ERC1: variants seen among roughly 807,000 people sequenced by gnomAD.
ERC1 encodes ELKS/RAB6-interacting/CAST family member 1.
In ERC1, 56 loss-of-function variants were observed where a neutral mutation model predicts 132.0. That is an observed-to-expected ratio of 0.42 (90% CI 0.34 to 0.53). The LOEUF (loss-of-function observed/expected upper bound fraction) is 0.53. Ranked by LOEUF, ERC1 falls within the 20% of genes least tolerant of loss-of-function variation. The pLI, the probability that ERC1 is intolerant of heterozygous loss-of-function variation, is 0.03. For synonymous variants in ERC1, 478 were observed against 476.1 expected, an observed-to-expected ratio of 1.00 and a Z score of -0.05; for missense variants, 1,202 against 1,349.9, an observed-to-expected ratio of 0.89 and a Z score of 1.72.
At chr12:1,433,373 G>A (rs1018232792) in intron 17 of ERC1, among the ~76,000 whole-genome samples, 7 of 152,194 alleles carry the variant, frequency 4.6e-5, no homozygotes, top group South Asian at 2.1e-4. Context: ...CTCTATGCAC[G>A]TGTATGTTTT....
chr12:1,309,340 C>T (rs75607144), intron 15 of ERC1, among the ~76,000 whole-genome samples: 3,841 of 152,268 alleles, frequency 0.025, 75 homozygotes, highest in South Asian at 0.08. Flanking sequence ...CTCTGCAGTA[C>T]CCCTGTGAGT....
chr12:1,255,232 T>G lies in ERC1; in HGVS notation c.2488-7802T>G, dbSNP rs547997158. Among the ~76,000 whole-genome samples the G allele has an allele frequency of 7.9e-5, 12 of 152,190 alleles. No individual in the cohort carries two copies. The East Asian group carries it at 1.7e-3, about 22-fold the overall frequency. On this transcript the variant is annotated intron_variant, in intron 13 of 18. Coordinates refer to ENST00000360905, the MANE Select transcript of ERC1 (RefSeq NM_178040.4). ...GTTCTTGTGTTAGTTTGCTGAGAAT[T>G]AGGGTTTCCAGCTTCATCCATGTCC...
In ERC1 at chr12:1,215,849, T is replaced by C. The variant is rs372596271; in HGVS notation, c.2352-20920T>C. 7.2e-5 allele frequency among the ~76,000 whole-genome samples: 11 copies of C among 152,290 alleles called. No homozygotes were observed. In the East Asian group the frequency reaches 1.5e-3, roughly 21 times the overall value. ...AATATAGGTTATTGTTAAAGACCTT[T>C]AGTGCTAATTAAGGGAATATGGATT... On this transcript the variant is annotated intron_variant, in intron 12 of 18. Coordinates refer to ENST00000360905, the MANE Select transcript of ERC1 (RefSeq NM_178040.4).
chr12:1,083,704 T>G, intron 3 of ERC1, 124 bp downstream of exon 3: 1 of 711,428 alleles, frequency 1.4e-6, no homozygotes, highest in Non-Finnish European at 2.3e-6. Context: ...TTTCATCCTT[T>G]GTATTTAAGT....
chr12:1,235,206 C>T (rs181877753), intron 12 of ERC1, among the ~76,000 whole-genome samples: 114 of 152,204 alleles, frequency 7.5e-4, no homozygotes, highest in African/African-American at 2.5e-3. Context: ...ATCTCTACTA[C>T]AAATTAGCTG....
intron 16 of ERC1, among the ~76,000 whole-genome samples, chr12:1,391,821 G>A (rs1167629642): frequency 6.6e-6 from 1 of 152,208 alleles, no homozygotes; most frequent in Non-Finnish European, 1.5e-5. Context: ...GGCTCCTGTT[G>A]AAGCTTTTTT....
intron 7 of ERC1, among the ~76,000 whole-genome samples, chr12:1,128,280 G>T (rs1271319142): frequency 6.6e-6 from 1 of 152,158 alleles, no homozygotes; most frequent in East Asian, 1.9e-4. Context: ...TTAAAGGACG[G>T]ACTGAGAGGC....
intron 15 of ERC1, among the ~76,000 whole-genome samples, chr12:1,344,392 T>G (rs916160609): frequency 2.6e-5 from 4 of 152,124 alleles, no homozygotes; most frequent in Non-Finnish European, 5.9e-5. Context: ...TAACACAGTG[T>G]TCTCTTTGCA....
intron 5 of ERC1, among the ~76,000 whole-genome samples, chr12:1,111,990 T>A (rs1945923698): frequency 6.6e-6 from 1 of 152,182 alleles, no homozygotes. Flanking sequence ...GATCTCTGTG[T>A]TTATGTTTTT....
intron 14 of ERC1, among the ~76,000 whole-genome samples, chr12:1,273,835 T>A (rs1215278995): frequency 6.6e-6 from 1 of 152,168 alleles, no homozygotes; most frequent in Non-Finnish European, 1.5e-5. Flanking sequence ...TACTAGTTAG[T>A]TTTTCCTCCT....
chr12:1,181,188 C>T (rs550212428), intron 9 of ERC1, among the ~76,000 whole-genome samples: 2 of 152,142 alleles, frequency 1.3e-5, no homozygotes, highest in Non-Finnish European at 2.9e-5. Context: ...CTTTACCTTC[C>T]TTTATATTTT....
chr12:1,468,307 A>G (rs546393764), intron 18 of ERC1, among the ~76,000 whole-genome samples: 1 of 152,298 alleles, frequency 6.6e-6, no homozygotes, highest in East Asian at 1.9e-4. Flanking sequence ...CTCCAACTAG[A>G]AATAGCCTGC....
chr12:1,227,658 C>G, intron 12 of ERC1, among the ~76,000 whole-genome samples: 1 of 152,174 alleles, frequency 6.6e-6, no homozygotes, highest in South Asian at 2.1e-4. Flanking sequence ...TAGTTTGACG[C>G]AGTCCCATTT....
chr12:1,408,043 A>G lies in ERC1; in HGVS notation c.2926-106A>G, dbSNP rs1400876380. 4.2e-6 allele frequency: 3 copies of G among 707,836 alleles called. No homozygotes were observed. In the East Asian group the frequency reaches 8.1e-5, roughly 19 times the overall value. 43.8% of individuals were successfully genotyped at this position (707,836 alleles called of 1,614,324 possible). A position where few individuals can be genotyped will look rare whatever the true frequency, so the allele number is the denominator to read the frequency against. Reference sequence around the variant, plus strand: ...ATATTTAGTTTATTTTATTGCAGACAGGATTAGTTTTATCCTTTCTTATGG... The same window carrying G: ...ATATTTAGTTTATTTTATTGCAGACGGGATTAGTTTTATCCTTTCTTATGG... On this transcript the variant is annotated intron_variant, in intron 16 of 18. Coordinates refer to ENST00000360905, the MANE Select transcript of ERC1 (RefSeq NM_178040.4).
At chr12:1,323,267 A>G (rs1486588011) in intron 15 of ERC1, among the ~76,000 whole-genome samples, 3 of 151,876 alleles carry the variant, frequency 2.0e-5, no homozygotes, top group South Asian at 2.1e-4. Flanking sequence ...GGAAAAAAAA[A>G]GGCTACAACC....
chr12:1,033,671 G>A (rs1222436431), intron 2 of ERC1, among the ~76,000 whole-genome samples: 7 of 150,564 alleles, frequency 4.6e-5, no homozygotes, highest in Admixed American at 1.3e-4. Flanking sequence ...TTGCTCTGTC[G>A]CCAGCTGGAG....
intron 7 of ERC1, among the ~76,000 whole-genome samples, chr12:1,120,536 C>A (rs1946962863): frequency 6.6e-6 from 1 of 152,272 alleles, no homozygotes; most frequent in Admixed American, 6.5e-5. Flanking sequence ...TTTGATATAT[C>A]ATTTACAGTA....
rs1412539400 is a variant in ERC1, at chr12:1,219,275, A to C, written c.2352-17494A>C. Among the ~76,000 whole-genome samples, 3 of 152,268 alleles carry C rather than the reference A, an allele frequency of 2.0e-5. No homozygotes were observed. In the East Asian group the frequency reaches 5.8e-4, roughly 29 times the overall value. On this transcript the variant is annotated intron_variant, in intron 12 of 18. Coordinates refer to ENST00000360905, the MANE Select transcript of ERC1 (RefSeq NM_178040.4). ...CCAGAATACTCTACTTATTACCTAC[A>C]CAATGTCTTTAGTTAAATATCAAAT...
At chr12:1,039,833 C>G (rs1403834935) in intron 2 of ERC1, among the ~76,000 whole-genome samples, 1 of 152,156 alleles carries the variant, frequency 6.6e-6, no homozygotes, top group Non-Finnish European at 1.5e-5. Context: ...TCAGTATCAG[C>G]TACATGCCTC....
Sources: gnomAD v4.1 joint callset for allele counts (sites outside exome capture counted in the v4.1 genomes callset) on GRCh38, gnomAD v4.1.1 for gene constraint, MANE v1.5 for transcripts, NCBI Gene and HGNC (gene_info 2026-07-23, HGNC 2026-07-21) for gene names.